HIPK2: variants seen among roughly 807,000 people sequenced by gnomAD.
HIPK2 encodes the protein homeodomain interacting protein kinase 2.
HIPK2 carries 27 observed loss-of-function variants against 113.7 expected under a neutral mutation model. The ratio of observed to expected loss-of-function variants is 0.24; its 90% CI spans 0.17 to 0.33. HIPK2 has a LOEUF of 0.33. Ranked by LOEUF, HIPK2 falls within the 10% of genes least tolerant of loss-of-function variation. The pLI is 1.00. For synonymous variants in HIPK2, 631 were observed against 642.2 expected (o/e 0.98, Z 0.26); for missense variants, 1,257 against 1,588.0 (o/e 0.79, Z 3.54).
intron 1 of HIPK2, 68 bp downstream of exon 1, chr7:139,777,537 G>A (rs925602834): frequency 2.7e-6 from 2 of 741,636 alleles, no homozygotes; most frequent in Admixed American, 5.9e-5. Context: ...GGGGCCGCGG[G>A]CAGAACAAAG....
chr7:139,705,088 G>A (rs921919608), intron 2 of HIPK2, among the ~76,000 whole-genome samples: 1 of 152,118 alleles, frequency 6.6e-6, no homozygotes, highest in Non-Finnish European at 1.5e-5. Context: ...TCTGATATAC[G>A]ATGCTGGGCC....
chr7:139,764,597 C>A (rs983073785), intron 1 of HIPK2, among the ~76,000 whole-genome samples: 5 of 152,090 alleles, frequency 3.3e-5, no homozygotes, highest in Non-Finnish European at 5.9e-5. Context: ...GATGAGATAT[C>A]CAAAGAGAGA....
intron 1 of HIPK2, among the ~76,000 whole-genome samples, chr7:139,749,881 T>C (rs1331240270): frequency 6.6e-6 from 1 of 152,198 alleles, no homozygotes; most frequent in East Asian, 1.9e-4. Context: ...CAAAAGTGGT[T>C]TAGAGGAAAT....
intron 12 of HIPK2, among the ~76,000 whole-genome samples, chr7:139,595,896 A>G (rs1170210659): frequency 3.9e-5 from 6 of 152,206 alleles, no homozygotes; most frequent in African/African-American, 1.4e-4. Flanking sequence ...GCTGACTGGC[A>G]GCGCTGGGCC....
In HIPK2 at chr7:139,613,416, C is replaced by G. The variant is rs1799909130; in HGVS notation, c.1991-93G>C. ...CTTCCTGGGCAGTTATGTCAACTTT[C>G]TGCTTCCCTTTGCACTGGTCACTGA... On this transcript the variant is annotated intron_variant, in intron 8 of 14. Coordinates refer to ENST00000406875, the MANE Select transcript of HIPK2 (RefSeq NM_022740.5). This position sits in a 1 kb window ranked among gnomAD's most constrained non-coding sequence, Gnocchi z 4.2. 6.7e-7 allele frequency: 1 copy of G among 1,490,642 alleles called. No homozygotes were observed. 92.3% of individuals were successfully genotyped at this position (1,490,642 alleles called of 1,614,324 possible).
chr7:139,702,465 G>C (rs1387610491), intron 2 of HIPK2, among the ~76,000 whole-genome samples: 1 of 152,184 alleles, frequency 6.6e-6, no homozygotes, highest in Admixed American at 6.5e-5. Flanking sequence ...CCTCGCCGAG[G>C]CCCAGCACTT....
chr7:139,624,470 T>A (rs1443542643), intron 6 of HIPK2, among the ~76,000 whole-genome samples: 8 of 152,142 alleles, frequency 5.3e-5, no homozygotes, highest in African/African-American at 1.9e-4. Context: ...ACTTCTCATG[T>A]CCAGTGACTC....
intron 1 of HIPK2, 106 bp downstream of exon 1, chr7:139,777,499 T>G (rs1176724156): frequency 3.6e-5 from 12 of 336,700 alleles, no homozygotes; most frequent in Non-Finnish European, 4.7e-5. Context: ...GGGTGGGGGC[T>G]GGGGCAGGCG....
At chr7:139,723,481 A>C (rs907599232) in intron 1 of HIPK2, among the ~76,000 whole-genome samples, 4 of 152,216 alleles carry the variant, frequency 2.6e-5, no homozygotes, top group Non-Finnish European at 4.4e-5. Flanking sequence ...GGCGTGAGCC[A>C]CTGCACCCAG....
chr7:139,612,810 C>T (rs1465694241), intron 9 of HIPK2, among the ~76,000 whole-genome samples: 1 of 152,122 alleles, frequency 6.6e-6, no homozygotes, highest in Non-Finnish European at 1.5e-5. Context: ...AGGATAATCA[C>T]CAAGGCTCCT....
At chr7:139,732,195 T>TTG (rs1284468837) in intron 1 of HIPK2, among the ~76,000 whole-genome samples, 1 of 152,324 alleles carries the variant, frequency 6.6e-6, no homozygotes, top group African/African-American at 2.4e-5. Context: ...ATAGGTGCTT[T>TTG]TGTGTGTGTG....
intron 2 of HIPK2, among the ~76,000 whole-genome samples, chr7:139,633,895 G>T (rs568699475): frequency 6.6e-6 from 1 of 151,788 alleles, no homozygotes; most frequent in African/African-American, 2.4e-5. Flanking sequence ...CAGTGAGCCG[G>T]GATCGTGCCA....
At chr7:139,735,802 G>A (rs1161693476) in intron 1 of HIPK2, among the ~76,000 whole-genome samples, 3 of 152,198 alleles carry the variant, frequency 2.0e-5, no homozygotes, top group Admixed American at 6.5e-5. Flanking sequence ...GGGTTCCAGG[G>A]ACAGATGAGA....
At chr7:139,646,286 A>T (rs28546079) in intron 2 of HIPK2, among the ~76,000 whole-genome samples, 45,804 of 151,910 alleles carry the variant, frequency 0.3, 7,912 homozygotes, top group African/African-American at 0.46. Flanking sequence ...ACTTGAGGCC[A>T]GGAGTTCAAG....
intron 1 of HIPK2, 84 bp downstream of exon 1, chr7:139,777,505 AGGCGCCGGGGGCTGCG>A: frequency 2.6e-6 from 1 of 378,788 alleles, no homozygotes; most frequent in Non-Finnish European, 3.7e-6. Context: ...GGGCTGGGGC[AGGCGCCGGGGGCTGCG>A]GGCGCGGGGC....
At chr7:139,736,493 C>A (rs374300638) in intron 1 of HIPK2, among the ~76,000 whole-genome samples, 5 of 152,256 alleles carry the variant, frequency 3.3e-5, no homozygotes, top group African/African-American at 1.2e-4. Context: ...CAGCAGGACG[C>A]GGAGAGCACA....
At chr7:139,774,172 G>A (rs1796700891) in intron 1 of HIPK2, among the ~76,000 whole-genome samples, 1 of 152,162 alleles carries the variant, frequency 6.6e-6, no homozygotes, top group African/African-American at 2.4e-5. Context: ...ACTATTTGTG[G>A]GTTATTCTTT....
intron 2 of HIPK2, among the ~76,000 whole-genome samples, chr7:139,645,078 A>G (rs527842666): frequency 1.0e-4 from 16 of 152,386 alleles, no homozygotes; most frequent in Admixed American, 9.1e-4. Flanking sequence ...GAATGAACCA[A>G]CAACAGGCAG....
chr7:139,637,081 T>C (rs1051802428), intron 2 of HIPK2, among the ~76,000 whole-genome samples: 6 of 152,206 alleles, frequency 3.9e-5, no homozygotes, highest in Non-Finnish European at 8.8e-5. Context: ...TCCACTAACA[T>C]GGCCAGCTCC....
Sources: gnomAD v4.1 joint callset for allele counts (sites outside exome capture counted in the v4.1 genomes callset) on GRCh38, gnomAD v4.1.1 for gene constraint, Gnocchi (gnomAD v3.1) non-coding constraint, MANE v1.5 for transcripts, NCBI Gene and HGNC (gene_info 2026-07-23, HGNC 2026-07-21) for gene names.